The following NSD1 variants were observed in gnomAD, a reference collection of about 807,000 sequenced individuals.
NSD1 encodes the protein histone-lysine N-methyltransferase, H3 lysine-36 specific.
A neutral mutation model predicts 242.7 loss-of-function variants in NSD1; 26 were observed. That is an observed-to-expected ratio of 0.11 (90% CI 0.08 to 0.15). The LOEUF is 0.15. Among genes scored for constraint, NSD1 ranks in the 10% least tolerant of loss-of-function variants. NSD1 has a pLI of 1.00. For synonymous variants in NSD1, 1,106 were observed against 1,178.1 expected (o/e 0.94, Z 1.25); for missense variants, 2,495 against 3,272.8 (o/e 0.76, Z 5.80).
rs1400493526 is a variant in NSD1 at position 177,294,629 on chromosome 5, C to G, written c.7261C>G (p.Pro2421Ala). 6.2e-7 allele frequency: 1 copy of G among 1,614,188 alleles called. No individual in the cohort carries two copies. Among genetic ancestry groups the G allele is most frequent in the South Asian group, 1.1e-5 (1 of 91,084 alleles). The change falls in exon 23 of 23, where the codon CCT becomes GCT. Residue 2421 changes from proline (P) to alanine (A), a missense_variant. Transcript: ENST00000439151. ...HASLSQRLPP[P>A]EKVLSAVVQT... ...CTCTTTGTCCCAGAGACTCCCACCT[C>G]CTGAGAAAGTACTATCAGCTGTGGT...
chr5:177,265,018 C>T, intron 14 of NSD1: 1 of 779,380 alleles, frequency 1.3e-6, no homozygotes, highest in East Asian at 2.4e-5. Context: ...AGATTCTTGC[C>T]AAGAGATTTC....
Position 177,238,294 on chromosome 5 carries a change from A to G in NSD1, c.3979A>G (p.Asn1327Asp). The change falls in exon 7 of 23, where the codon AAC becomes GAC. Residue 1327 changes from asparagine (N) to aspartate (D), a missense_variant. Coordinates refer to ENST00000439151, the MANE Select transcript of NSD1 (RefSeq NM_022455.5). The surrounding 1 kb of genome is among the most constrained non-coding windows in gnomAD (Gnocchi z 4.6). ...AGCCCGAGGTCGATCTAGTGCTCAG[A>G]ACAAGCAGGTGGACGAGAATTCTTT... ...LLARGRSSAQNKQVDENSLIS... is the reference protein window; with the variant it reads ...LLARGRSSAQDKQVDENSLIS... 6.2e-7 allele frequency: 1 copy of G among 1,614,156 alleles called. No homozygotes were observed. Among genetic ancestry groups the G allele is most frequent in the East Asian group, 2.2e-5 (1 of 44,870 alleles).
At chr5:177,165,907 AAT>A (rs1759152304) in intron 2 of NSD1, among the ~76,000 whole-genome samples, 1 of 140,754 alleles carries the variant, frequency 7.1e-6, no homozygotes, top group Non-Finnish European at 1.5e-5. Context: ...CCCAGCCCAC[AAT>A]CTTTTTTTTT....
chr5:177,270,334 T>A (rs750540070), intron 16 of NSD1, among the ~76,000 whole-genome samples: 1 of 152,348 alleles, frequency 6.6e-6, no homozygotes, highest in South Asian at 2.1e-4. Context: ...CAGAACTAGT[T>A]TTACTGCTTA....
intron 20 of NSD1, among the ~76,000 whole-genome samples, chr5:177,286,104 C>T (rs1003407453): frequency 5.9e-5 from 9 of 152,074 alleles, no homozygotes; most frequent in African/African-American, 1.9e-4. Flanking sequence ...TCAAGTGATC[C>T]GCCTACCTCG....
At chr5:177,166,402 G>A (rs1759200396) in intron 2 of NSD1, among the ~76,000 whole-genome samples, 1 of 151,932 alleles carries the variant, frequency 6.6e-6, no homozygotes, top group Admixed American at 6.6e-5. Flanking sequence ...GCAAAAATTA[G>A]CCAAGTGTGG....
intron 5 of NSD1, among the ~76,000 whole-genome samples, chr5:177,222,510 T>G (rs1764317167): frequency 6.6e-6 from 1 of 152,208 alleles, no homozygotes; most frequent in African/African-American, 2.4e-5. Context: ...TTGCTGACAC[T>G]TTATTTGGTT....
At chr5:177,248,118 G>A in intron 10 of NSD1, 63 bp from the exon 11 acceptor site, 1 of 1,603,190 alleles carries the variant, frequency 6.2e-7, no homozygotes, top group Non-Finnish European at 8.5e-7. Flanking sequence ...AGCCCAGAGG[G>A]AGGGGGTCAA....
At chr5:177,222,059 C>T (rs962797039) in intron 5 of NSD1, among the ~76,000 whole-genome samples, 1 of 152,110 alleles carries the variant, frequency 6.6e-6, no homozygotes, top group Admixed American at 6.6e-5. Context: ...GATCTGCCCA[C>T]CTTGGCCTCC....
At chr5:177,166,927 G>A (rs1038450416) in intron 2 of NSD1, among the ~76,000 whole-genome samples, 4 of 151,696 alleles carry the variant, frequency 2.6e-5, no homozygotes, top group African/African-American at 9.7e-5. Flanking sequence ...TGTAATTTTA[G>A]TAGAGATGGG....
Position 177,153,444 on chromosome 5 carries a change from G to A in NSD1, c.927+17414G>A, listed in dbSNP as rs1235751043. Among the ~76,000 whole-genome samples the A allele has an allele frequency of 2.6e-5, 4 of 151,658 alleles. No homozygotes were observed. The East Asian group carries it at 7.7e-4, about 29-fold the overall frequency. ...CTACAAGATTGCTTTAATTACTACA[G>A]TTTTATTGATGAAAATGATTTCTAC... On this transcript the variant is annotated intron_variant, in intron 2 of 22. Coordinates refer to ENST00000439151, the MANE Select transcript of NSD1 (RefSeq NM_022455.5).
chr5:177,181,260 G>A (rs1338301082), intron 2 of NSD1, among the ~76,000 whole-genome samples: 2 of 151,860 alleles, frequency 1.3e-5, no homozygotes, highest in African/African-American at 4.8e-5. Flanking sequence ...TCCATCCTCG[G>A]TGACAGTGAC....
intron 17 of NSD1, among the ~76,000 whole-genome samples, chr5:177,276,534 C>T (rs1360508967): frequency 6.6e-6 from 1 of 152,156 alleles, no homozygotes; most frequent in Non-Finnish European, 1.5e-5. Context: ...CCATGTTAGC[C>T]AGGCTGGTCT....
chr5:177,137,636 C>T (rs1447663598), intron 2 of NSD1, among the ~76,000 whole-genome samples: 1 of 152,050 alleles, frequency 6.6e-6, no homozygotes, highest in Non-Finnish European at 1.5e-5. Flanking sequence ...CTTGGGTTCA[C>T]GTTGAAATTT....
chr5:177,195,548 G>A (rs1265553955), intron 3 of NSD1, among the ~76,000 whole-genome samples: 1 of 152,008 alleles, frequency 6.6e-6, no homozygotes, highest in Admixed American at 6.6e-5. Context: ...ACTCATTGCA[G>A]CCATAGCTTC....
At chr5:177,215,898 T>A (rs1278581775) in intron 5 of NSD1, among the ~76,000 whole-genome samples, 1 of 152,180 alleles carries the variant, frequency 6.6e-6, no homozygotes, top group Non-Finnish European at 1.5e-5. Flanking sequence ...GGCCTCTTTG[T>A]CACCTAGGGT....
At chr5:177,173,238 G>A (rs967766559) in intron 2 of NSD1, among the ~76,000 whole-genome samples, 3 of 145,698 alleles carry the variant, frequency 2.1e-5, no homozygotes, top group Non-Finnish European at 3.0e-5. Flanking sequence ...CTTACAGTGA[G>A]CCGAGATAGC....
At chr5:177,224,260 G>A (rs1306148893) in intron 5 of NSD1, among the ~76,000 whole-genome samples, 1 of 152,058 alleles carries the variant, frequency 6.6e-6, no homozygotes, top group Non-Finnish European at 1.5e-5. Context: ...GCATAGTGTT[G>A]CCATCTTAGC....
intron 2 of NSD1, among the ~76,000 whole-genome samples, chr5:177,171,751 C>T (rs1328073542): frequency 6.6e-6 from 1 of 152,178 alleles, no homozygotes; most frequent in East Asian, 1.9e-4. Flanking sequence ...TAGCATAATG[C>T]TGTCAAGGTT....
Sources: gnomAD v4.1 joint callset for allele counts (sites outside exome capture counted in the v4.1 genomes callset) on GRCh38, gnomAD v4.1.1 for gene constraint, Gnocchi (gnomAD v3.1) non-coding constraint, MANE v1.5 for transcripts, NCBI Gene and HGNC (gene_info 2026-07-23, HGNC 2026-07-21) for gene names.